SRPK2: variants seen among roughly 807,000 people sequenced by gnomAD.
SRPK2 encodes the protein SRSF protein kinase 2, also known as SFRS protein kinase 2.
Under a neutral mutation model 90.8 loss-of-function variants are expected in SRPK2, and 21 were observed. The observed-to-expected ratio is 0.23, with a 90% confidence interval of 0.16 to 0.33. The LOEUF is 0.33. SRPK2 is among the 10% of genes least tolerant of loss of function. The pLI is 1.00. For synonymous variants in SRPK2, 288 were observed against 311.1 expected, an observed-to-expected ratio of 0.93 and a Z score of 0.78; for missense variants, 620 against 869.0, an observed-to-expected ratio of 0.71 and a Z score of 3.60.
At chr7:105,197,645 G>T (rs1372369346) in intron 3 of SRPK2, among the ~76,000 whole-genome samples, 2 of 152,164 alleles carry the variant, frequency 1.3e-5, no homozygotes, top group Non-Finnish European at 2.9e-5. Context: ...GAACCTTTCA[G>T]ACTAGAGAGG....
intron 2 of SRPK2, among the ~76,000 whole-genome samples, chr7:105,344,125 C>T (rs933054880): frequency 6.6e-6 from 1 of 152,058 alleles, no homozygotes; most frequent in Non-Finnish European, 1.5e-5. Context: ...CAAATGCTTT[C>T]TGCAAAAAGG....
At chr7:105,239,674 G>C (rs1402381228) in intron 2 of SRPK2, among the ~76,000 whole-genome samples, 1 of 152,182 alleles carries the variant, frequency 6.6e-6, no homozygotes, top group Non-Finnish European at 1.5e-5. Context: ...GTTAGACGGA[G>C]TCTGACTTAA....
intron 3 of SRPK2, among the ~76,000 whole-genome samples, chr7:105,178,612 A>T (rs1016342286): frequency 3.9e-5 from 6 of 152,070 alleles, no homozygotes; most frequent in Non-Finnish European, 8.8e-5. Flanking sequence ...TGAAGCCAGG[A>T]GTTCGAGACT....
chr7:105,383,516 G>T (rs558453991), intron 2 of SRPK2, among the ~76,000 whole-genome samples: 14 of 151,604 alleles, frequency 9.2e-5, no homozygotes, highest in Admixed American at 2.6e-4. Context: ...CGTCTCCCAG[G>T]TTCAAGCAAT....
At chr7:105,124,367 C>T (rs183879547) in intron 15 of SRPK2, among the ~76,000 whole-genome samples, 2 of 151,284 alleles carry the variant, frequency 1.3e-5, no homozygotes, top group African/African-American at 2.4e-5. Context: ...CACAGCCAGG[C>T]GCAGTGGCTC....
At position 105,143,333 on chromosome 7, in the gene SRPK2, A is replaced by G. The variant is rs1428793312; in HGVS notation, c.814-3T>C. ...TTGTTTTTAGATATTTTTCCTATCTATGTTAAGGAAAGACCACAGGTCAGT... is the reference window on the plus strand; with the variant it reads ...TTGTTTTTAGATATTTTTCCTATCTGTGTTAAGGAAAGACCACAGGTCAGT... On this transcript the variant is annotated splice_polypyrimidine_tract_variant and splice_region_variant and intron_variant, in intron 9 of 15. Coordinates refer to ENST00000393651, the MANE Select transcript of SRPK2 (RefSeq NM_182692.3). 1.2e-6 allele frequency: 2 copies of G among 1,609,078 alleles called. No homozygotes were observed. Among genetic ancestry groups the G allele is most frequent in the East Asian group, 4.5e-5 (2 of 44,884 alleles).
At chr7:105,286,356 CAATT>C (rs943649935) in intron 2 of SRPK2, among the ~76,000 whole-genome samples, 3 of 152,136 alleles carry the variant, frequency 2.0e-5, no homozygotes, top group African/African-American at 7.2e-5. Context: ...AATCTTAAAA[CAATT>C]ATTTATTAGA....
chr7:105,210,989 A>C (rs1796786626), intron 2 of SRPK2, among the ~76,000 whole-genome samples: 1 of 152,222 alleles, frequency 6.6e-6, no homozygotes, highest in South Asian at 2.1e-4. Flanking sequence ...GAGCTGGAAA[A>C]GAACTCTGAA....
chr7:105,247,486 A>G (rs1466054566), intron 2 of SRPK2, among the ~76,000 whole-genome samples: 3 of 151,394 alleles, frequency 2.0e-5, no homozygotes, highest in Admixed American at 1.3e-4. Flanking sequence ...ACAACTACAA[A>G]TAACACCGGA....
intron 2 of SRPK2, among the ~76,000 whole-genome samples, chr7:105,280,966 A>C (rs1807236368): frequency 6.8e-6 from 1 of 146,174 alleles, no homozygotes; most frequent in Admixed American, 6.8e-5. Flanking sequence ...AAAAAAAAAA[A>C]AAAAAAAAAA....
At chr7:105,327,863 T>C (rs896732915) in intron 2 of SRPK2, among the ~76,000 whole-genome samples, 2 of 152,212 alleles carry the variant, frequency 1.3e-5, no homozygotes, top group African/African-American at 2.4e-5. Context: ...TGCAGTGGCG[T>C]GATCCCGGCT....
chr7:105,258,405 G>A (rs1219115378), intron 2 of SRPK2, among the ~76,000 whole-genome samples: 10 of 105,400 alleles, frequency 9.5e-5, no homozygotes, highest in African/African-American at 1.8e-4. Flanking sequence ...TAACAAGAGC[G>A]AAACTCGGTC....
intron 2 of SRPK2, among the ~76,000 whole-genome samples, chr7:105,323,576 A>G (rs1813184642): frequency 6.6e-6 from 1 of 152,258 alleles, no homozygotes; most frequent in African/African-American, 2.4e-5. Flanking sequence ...GGCACTGTTA[A>G]GAATGTTAAA....
At chr7:105,218,204 C>T (rs1797693039) in intron 2 of SRPK2, among the ~76,000 whole-genome samples, 1 of 152,140 alleles carries the variant, frequency 6.6e-6, no homozygotes, top group South Asian at 2.1e-4. Flanking sequence ...GATTTTGACA[C>T]CCTGGGGTGA....
chr7:105,221,298 G>C (rs982097477), intron 2 of SRPK2, among the ~76,000 whole-genome samples: 5 of 152,172 alleles, frequency 3.3e-5, no homozygotes, highest in African/African-American at 1.2e-4. Flanking sequence ...AGTAGTTAAA[G>C]GCATAGTCTT....
rs1437515182 is a variant in SRPK2 at position 105,142,194 on chromosome 7, G to A, written c.1357C>T (p.Arg453Ter). Reference protein sequence around the residue: ...EQFNGELPNGRHKIPESQFPE... With the variant: ...EQFNGELPNG ...AACTGTGACTCGGGAATTTTATGTC[G>A]TCCATTTGGCAATTCACCATTGAAT... The change falls in exon 11 of 16, where the codon CGA becomes TGA. Residue 453 changes from arginine to a stop codon, truncating the protein, a stop_gained. Coordinates refer to ENST00000393651, the MANE Select transcript of SRPK2 (RefSeq NM_182692.3). LOFTEE classifies it high-confidence loss of function. 1.9e-6 allele frequency: 3 copies of A among 1,614,006 alleles called. No individual in the cohort carries two copies. The highest frequency in any genetic ancestry group is 2.5e-6 in the Non-Finnish European group (3 of 1,180,008).
chr7:105,341,357 CAAAAAAAAAAAAA>C (rs746893526), intron 2 of SRPK2, among the ~76,000 whole-genome samples: 27 of 66,774 alleles, frequency 4.0e-4, no homozygotes, highest in Admixed American at 6.4e-4. Flanking sequence ...GACTCCGTCT[CAAAAAAAAAAAAA>C]AAAAAAAAAA....
At chr7:105,378,186 G>A (rs927789246) in intron 2 of SRPK2, among the ~76,000 whole-genome samples, 15 of 152,000 alleles carry the variant, frequency 9.9e-5, no homozygotes, top group Admixed American at 3.9e-4. Context: ...GAAGGTCCTT[G>A]CCCTGCCCCC....
At chr7:105,237,435 C>T (rs762356209) in intron 2 of SRPK2, among the ~76,000 whole-genome samples, 2 of 152,184 alleles carry the variant, frequency 1.3e-5, no homozygotes, top group African/African-American at 4.8e-5. Flanking sequence ...GAAGAATGTG[C>T]AGATATTCTA....
Sources: allele counts gnomAD v4.1 joint callset (sites outside exome capture counted in the v4.1 genomes callset), GRCh38; gene constraint gnomAD v4.1.1; transcripts MANE v1.5; gene names NCBI Gene and HGNC (gene_info 2026-07-23, HGNC 2026-07-21).